ASTN2: variants seen among roughly 807,000 people sequenced by gnomAD.
ASTN2 encodes the protein astrotactin 2, also known as astrotactin-2.
A neutral mutation model predicts 139.8 loss-of-function variants in ASTN2; 54 were observed. The ratio of observed to expected loss-of-function variants is 0.39; its 90% CI spans 0.31 to 0.48. ASTN2 has a LOEUF of 0.48. ASTN2 is among the 20% of genes least tolerant of loss of function. The pLI, the probability that ASTN2 is intolerant of heterozygous loss-of-function variation, is 0.95. For synonymous variants in ASTN2, 756 were observed against 719.5 expected (o/e 1.05, Z -0.81); for missense variants, 1,565 against 1,725.1 (o/e 0.91, Z 1.64).
chr9:117,376,542 T>A (rs1402330693), intron 1 of ASTN2, among the ~76,000 whole-genome samples: 1 of 152,202 alleles, frequency 6.6e-6, no homozygotes, highest in Admixed American at 6.6e-5. Context: ...ATTTAGGGGT[T>A]AGCTGAATGT....
chr9:117,144,254 A>G (rs946822855), intron 3 of ASTN2, among the ~76,000 whole-genome samples: 2 of 152,174 alleles, frequency 1.3e-5, no homozygotes, highest in Non-Finnish European at 2.9e-5. Flanking sequence ...TTCAGCCTCC[A>G]GAAGTACGAG....
At chr9:116,918,483 C>T (rs1564340311) in intron 10 of ASTN2, among the ~76,000 whole-genome samples, 1 of 152,180 alleles carries the variant, frequency 6.6e-6, no homozygotes, top group Non-Finnish European at 1.5e-5. Context: ...CCTGAATTCT[C>T]ATGCCATTCT....
At chr9:117,283,841 G>A (rs1427158330) in intron 2 of ASTN2, among the ~76,000 whole-genome samples, 3 of 152,150 alleles carry the variant, frequency 2.0e-5, no homozygotes, top group Non-Finnish European at 4.4e-5. Flanking sequence ...ATAACATGGT[G>A]GCAGTATTAG....
At chr9:116,852,237 C>T (rs1168770539) in intron 11 of ASTN2, among the ~76,000 whole-genome samples, 1 of 152,198 alleles carries the variant, frequency 6.6e-6, no homozygotes, top group Non-Finnish European at 1.5e-5. Context: ...GGGTTTTGCT[C>T]ATGCCTGGCT....
Position 117,106,849 on chromosome 9 carries a change from T to G in ASTN2, c.1169-10698A>C, listed in dbSNP as rs1379392994. On this transcript the variant is annotated intron_variant, in intron 4 of 22. Transcript: ENST00000313400. ...ATTTATTTATGCTAGGAATACATAT[T>G]GGGGTTAAATTATATACCTGACAGC... 2.0e-5 allele frequency among the ~76,000 whole-genome samples: 3 copies of G among 152,146 alleles called. No individual in the cohort carries two copies. The East Asian group carries it at 5.8e-4, about 29-fold the overall frequency.
At chr9:116,529,719 T>C (rs1851239553) in intron 19 of ASTN2, among the ~76,000 whole-genome samples, 1 of 152,032 alleles carries the variant, frequency 6.6e-6, no homozygotes, top group Non-Finnish European at 1.5e-5. Flanking sequence ...TATGCTGTTC[T>C]CATGATAGTG....
intron 10 of ASTN2, among the ~76,000 whole-genome samples, chr9:116,934,061 T>C (rs1376254330): frequency 3.4e-5 from 5 of 146,150 alleles, no homozygotes; most frequent in Non-Finnish European, 7.4e-5. Flanking sequence ...ATCAGGGCAC[T>C]TGGGGGCTCA....
intron 4 of ASTN2, among the ~76,000 whole-genome samples, chr9:117,112,956 A>C (rs912220040): frequency 6.6e-6 from 1 of 152,152 alleles, no homozygotes; most frequent in African/African-American, 2.4e-5. Context: ...ATACCTAAAA[A>C]TATATGAATG....
chr9:116,529,790 C>T (rs1340997489), intron 19 of ASTN2, among the ~76,000 whole-genome samples: 2 of 151,976 alleles, frequency 1.3e-5, no homozygotes, highest in Non-Finnish European at 2.9e-5. Flanking sequence ...CACTCTCTTT[C>T]CTGCCACCAT....
chr9:117,029,706 A>G (rs1588494466), intron 6 of ASTN2, among the ~76,000 whole-genome samples: 1 of 152,082 alleles, frequency 6.6e-6, no homozygotes, highest in African/African-American at 2.4e-5. Context: ...AAAGGAAGGA[A>G]GAAAGGGAAG....
intron 7 of ASTN2, among the ~76,000 whole-genome samples, chr9:117,000,169 A>G (rs1292205639): frequency 6.6e-6 from 1 of 152,182 alleles, no homozygotes. Flanking sequence ...GTGCATTTTA[A>G]ATTTTATTTT....
chr9:117,206,821 G>A (rs1246062762), intron 3 of ASTN2, among the ~76,000 whole-genome samples: 1 of 152,164 alleles, frequency 6.6e-6, no homozygotes, highest in Non-Finnish European at 1.5e-5. Context: ...GAGCCTCCAA[G>A]CAGCTGATAT....
intron 4 of ASTN2, among the ~76,000 whole-genome samples, chr9:117,121,894 C>T (rs1829567856): frequency 6.6e-6 from 1 of 152,114 alleles, no homozygotes; most frequent in African/African-American, 2.4e-5. Flanking sequence ...ACCAGAACTC[C>T]TGATAACTCA....
intron 17 of ASTN2, among the ~76,000 whole-genome samples, chr9:116,647,143 GC>G (rs1857631104): frequency 6.6e-6 from 1 of 152,178 alleles, no homozygotes; most frequent in African/African-American, 2.4e-5. Context: ...ACTGCGTAAG[GC>G]CCCTTAATAC....
At chr9:116,832,294 A>G (rs1831836265) in intron 11 of ASTN2, among the ~76,000 whole-genome samples, 1 of 152,070 alleles carries the variant, frequency 6.6e-6, no homozygotes, top group Admixed American at 6.6e-5. Context: ...CCAATGGGTA[A>G]GTCTTATAGT....
At chr9:116,487,771 T>G (rs544547715) in intron 19 of ASTN2, among the ~76,000 whole-genome samples, 25 of 152,190 alleles carry the variant, frequency 1.6e-4, no homozygotes, top group Non-Finnish European at 2.6e-4. Context: ...TAAATTATTG[T>G]GTAATAAAAA....
intron 2 of ASTN2, among the ~76,000 whole-genome samples, chr9:117,241,485 G>C (rs1334027522): frequency 2.0e-5 from 3 of 152,142 alleles, no homozygotes; most frequent in Non-Finnish European, 4.4e-5. Flanking sequence ...GGACTTATGG[G>C]GGGCCTGTGG....
chr9:117,291,547 G>T (rs374472111), intron 1 of ASTN2, 34 bp from the exon 2 acceptor site: 1 of 1,546,826 alleles, frequency 6.5e-7, no homozygotes, highest in East Asian at 2.3e-5. Context: ...TGGGTGAGCC[G>T]TACGCCTGGC....
chr9:116,690,201 A>G (rs1361247970), intron 16 of ASTN2, among the ~76,000 whole-genome samples: 2 of 152,226 alleles, frequency 1.3e-5, no homozygotes, highest in Non-Finnish European at 2.9e-5. Context: ...GTCAGCCTCA[A>G]TCTATTAAAA....
Sources: allele counts gnomAD v4.1 joint callset (sites outside exome capture counted in the v4.1 genomes callset), GRCh38; gene constraint gnomAD v4.1.1; transcripts MANE v1.5; gene names NCBI Gene and HGNC (gene_info 2026-07-23, HGNC 2026-07-21).